Variants in NFKB1 observed in about 807,000 individuals in gnomAD.
NFKB1 encodes the protein nuclear factor kappa B subunit 1, also known as nuclear factor NF-kappa-B p105 subunit.
A neutral mutation model predicts 105.1 loss-of-function variants in NFKB1; 9 were observed. The ratio of observed to expected loss-of-function variants is 0.09; its 90% CI spans 0.05 to 0.15. NFKB1 has a LOEUF of 0.15. Ranked by LOEUF, NFKB1 falls within the 10% of genes least tolerant of loss-of-function variation. NFKB1 has a pLI of 1.00. For missense variants in NFKB1, 830 were observed against 1,203.7 expected (o/e 0.69, Z 4.59); for synonymous variants, 440 against 442.2 (o/e 1.00, Z 0.06).
At chr4:102,575,746 C>CT (rs1197489160) in intron 6 of NFKB1, among the ~76,000 whole-genome samples, 5 of 152,134 alleles carry the variant, frequency 3.3e-5, no homozygotes, top group South Asian at 4.1e-4. Flanking sequence ...AAATGTTATG[C>CT]TTTTTTCTAC....
At chr4:102,508,282 C>A (rs4647965) in intron 1 of NFKB1, among the ~76,000 whole-genome samples, 1,724 of 152,144 alleles carry the variant, frequency 0.011, 19 homozygotes, top group Non-Finnish European at 0.017. Context: ...ATAGCATCTG[C>A]ATATAATACA....
chr4:102,597,731 T>G, intron 15 of NFKB1, 70 bp downstream of exon 15: 2 of 1,468,152 alleles, frequency 1.4e-6, no homozygotes, highest in Non-Finnish European at 1.8e-6. Context: ...TAATGCATAC[T>G]GACTAGAGAT....
At chr4:102,594,070 A>G (rs1415631394) in intron 12 of NFKB1, among the ~76,000 whole-genome samples, 1 of 152,180 alleles carries the variant, frequency 6.6e-6, no homozygotes, top group African/African-American at 2.4e-5. Context: ...GATCATCATT[A>G]TGCATTTTAT....
chr4:102,602,989 C>A (rs532595336), intron 16 of NFKB1, among the ~76,000 whole-genome samples: 1 of 152,246 alleles, frequency 6.6e-6, no homozygotes, highest in African/African-American at 2.4e-5. Context: ...CTTTTCAAAC[C>A]CTGCTTAACA....
At chr4:102,599,516 G>T (rs368555750) in intron 15 of NFKB1, among the ~76,000 whole-genome samples, 1 of 152,180 alleles carries the variant, frequency 6.6e-6, no homozygotes, top group Non-Finnish European at 1.5e-5. Flanking sequence ...AGATGCTTTA[G>T]TGTGCTCTGC....
At chr4:102,503,789 T>C (rs1168329306) in intron 1 of NFKB1, among the ~76,000 whole-genome samples, 1 of 152,224 alleles carries the variant, frequency 6.6e-6, no homozygotes, top group Non-Finnish European at 1.5e-5. Flanking sequence ...GTGATTATAT[T>C]CCTTACATTT....
intron 5 of NFKB1, among the ~76,000 whole-genome samples, chr4:102,562,171 G>T (rs1723491678): frequency 6.6e-6 from 1 of 152,076 alleles, no homozygotes; most frequent in Admixed American, 6.6e-5. Flanking sequence ...TTTCCTGCCA[G>T]CAAGACCCTC....
At chr4:102,551,367 T>TATGCGCGC (rs1553931290) in intron 5 of NFKB1, among the ~76,000 whole-genome samples, 14 of 150,092 alleles carry the variant, frequency 9.3e-5, no homozygotes, top group Non-Finnish European at 1.3e-4. Flanking sequence ...TGTGTGTGTG[T>TATGCGCGC]GCGCGCGCGC....
intron 5 of NFKB1, among the ~76,000 whole-genome samples, chr4:102,544,194 T>C (rs1721954245): frequency 6.6e-6 from 1 of 152,220 alleles, no homozygotes; most frequent in Non-Finnish European, 1.5e-5. Context: ...TGGTTAAGAA[T>C]CATGCTATAG....
At chr4:102,606,430 C>A in intron 16 of NFKB1, 66 bp from the exon 17 acceptor site, 2 of 1,456,284 alleles carry the variant, frequency 1.4e-6, no homozygotes, top group Non-Finnish European at 1.9e-6. Flanking sequence ...TAACAGCTAC[C>A]AAGCTGTGAG....
intron 4 of NFKB1, among the ~76,000 whole-genome samples, chr4:102,536,874 A>G (rs1443453568): frequency 6.6e-6 from 1 of 152,202 alleles, no homozygotes; most frequent in Non-Finnish European, 1.5e-5. Context: ...TTAAGCGACT[A>G]TGTGGTTATA....
chr4:102,547,014 A>C (rs1722191137), intron 5 of NFKB1, among the ~76,000 whole-genome samples: 1 of 152,174 alleles, frequency 6.6e-6, no homozygotes, highest in African/African-American at 2.4e-5. Context: ...GAAAAGCATA[A>C]AAATGTATGT....
intron 3 of NFKB1, among the ~76,000 whole-genome samples, chr4:102,531,870 A>G (rs1006850323): frequency 2.0e-5 from 3 of 152,206 alleles, no homozygotes; most frequent in Non-Finnish European, 4.4e-5. Flanking sequence ...TAATGTAAAC[A>G]TGCTTCCAAC....
chr4:102,536,506 C>A (rs1741645275), intron 4 of NFKB1, among the ~76,000 whole-genome samples: 1 of 152,132 alleles, frequency 6.6e-6, no homozygotes, highest in African/African-American at 2.4e-5. Context: ...AGGAACAGTT[C>A]CAGATGCTTC....
chr4:102,513,502 A>G (rs1248701474), intron 1 of NFKB1, among the ~76,000 whole-genome samples: 1 of 152,212 alleles, frequency 6.6e-6, no homozygotes, highest in East Asian at 1.9e-4. Context: ...AGACAACCAT[A>G]GGCAAAAATT....
intron 5 of NFKB1, among the ~76,000 whole-genome samples, chr4:102,547,531 A>T (rs1000018326): frequency 1.3e-5 from 2 of 152,192 alleles, no homozygotes; most frequent in Non-Finnish European, 2.9e-5. Flanking sequence ...AGTGTTACTT[A>T]ACTTGGCTAA....
intron 5 of NFKB1, among the ~76,000 whole-genome samples, chr4:102,550,348 C>G (rs1447927290): frequency 1.3e-5 from 2 of 152,076 alleles, no homozygotes; most frequent in Non-Finnish European, 2.9e-5. Flanking sequence ...CTAAGAAGTC[C>G]TAGTTCCTTT....
At chr4:102,595,815 G>T (rs986854824) in intron 13 of NFKB1, among the ~76,000 whole-genome samples, 1 of 152,134 alleles carries the variant, frequency 6.6e-6, no homozygotes, top group Non-Finnish European at 1.5e-5. Context: ...GGAAAAAACT[G>T]CTCTGTTTTC....
At chr4:102,535,761 CTATTAAG>C (rs1015046087) in intron 4 of NFKB1, among the ~76,000 whole-genome samples, 6 of 152,000 alleles carry the variant, frequency 3.9e-5, no homozygotes, top group African/African-American at 1.5e-4. Flanking sequence ...TGAAAAATAT[CTATTAAG>C]TATTGTCTAT....
Sources: gnomAD v4.1 joint callset for allele counts (sites outside exome capture counted in the v4.1 genomes callset) on GRCh38, gnomAD v4.1.1 for gene constraint, MANE v1.5 for transcripts, NCBI Gene and HGNC (gene_info 2026-07-23, HGNC 2026-07-21) for gene names.